ANK2: variants seen among roughly 807,000 people sequenced by gnomAD.
ANK2 encodes ankyrin 2, also known as ankyrin-2.
In ANK2, 83 loss-of-function variants were observed where a neutral mutation model predicts 360.5. The observed-to-expected ratio is 0.23, with a 90% confidence interval of 0.19 to 0.28. The LOEUF is 0.28. ANK2 is among the 10% of genes least tolerant of loss of function. The pLI is 1.00. For missense variants in ANK2, 4,201 were observed against 4,795.7 expected (o/e 0.88, Z 3.66); for synonymous variants, 1,740 against 1,759.5 (o/e 0.99, Z 0.28).
intron 20 of ANK2, 44 bp from the exon 21 acceptor site, chr4:113,292,372 C>T (rs2068158198): frequency 2.0e-6 from 3 of 1,533,072 alleles, no homozygotes; most frequent in Non-Finnish European, 2.7e-6. Context: ...TTTCCTCTCC[C>T]TCTGCCAATC....
chr4:113,232,321 A>T, intron 5 of ANK2, 62 bp downstream of exon 5: 1 of 1,265,160 alleles, frequency 7.9e-7, no homozygotes, highest in Non-Finnish European at 1.2e-6. Flanking sequence ...TCTTTATATC[A>T]GGCTGCAAAT....
At chr4:112,749,120 G>A in the ANK2 span, among the ~76,000 whole-genome samples, 19 of 151,894 alleles carry the variant, frequency 1.3e-4, no homozygotes, top group African/African-American at 3.1e-4. Context: ...GGCTAGTCTC[G>A]AACTGCTGAC....
At chr4:113,293,413 ACT>A (rs751614804) in intron 21 of ANK2, 25 bp from the exon 22 acceptor site, 20 of 1,588,978 alleles carry the variant, frequency 1.3e-5, no homozygotes, top group East Asian at 2.2e-5. Context: ...CTTATTTCTC[ACT>A]CTCTCTCTTT....
At chr4:112,958,159 C>T (rs1209909593) in intron 2 of ANK2, among the ~76,000 whole-genome samples, 1 of 151,972 alleles carries the variant, frequency 6.6e-6, no homozygotes, top group Non-Finnish European at 1.5e-5. Flanking sequence ...GATGGGCGGC[C>T]AGGCAGAGAG....
At chr4:112,767,120 A>G in the ANK2 span, among the ~76,000 whole-genome samples, 55 of 152,362 alleles carry the variant, frequency 3.6e-4, no homozygotes, top group South Asian at 8.3e-3. Flanking sequence ...GGATATTCCA[A>G]ACAAAACTGA....
chr4:112,889,283 T>A (rs1460231613), intron 1 of ANK2, among the ~76,000 whole-genome samples: 1 of 151,922 alleles, frequency 6.6e-6, no homozygotes, highest in Non-Finnish European at 1.5e-5. Flanking sequence ...TTACCATTCA[T>A]CTTTTCTTTT....
chr4:113,142,905 T>C (rs1022040185), intron 1 of ANK2, among the ~76,000 whole-genome samples: 61 of 152,228 alleles, frequency 4.0e-4, no homozygotes, highest in African/African-American at 1.4e-3. Context: ...AACCTTTTTT[T>C]CAAAGGCCAA....
At chr4:112,720,831 G>A in the ANK2 span, among the ~76,000 whole-genome samples, 3 of 152,158 alleles carry the variant, frequency 2.0e-5, no homozygotes, top group African/African-American at 4.8e-5. Context: ...GTTGGCAAAT[G>A]GAAAAGTCAT....
intron 2 of ANK2, among the ~76,000 whole-genome samples, chr4:112,992,815 G>C (rs1321479390): frequency 6.6e-6 from 1 of 152,082 alleles, no homozygotes; most frequent in African/African-American, 2.4e-5. Context: ...TATACATTTT[G>C]GGAGAAAACA....
At chr4:112,881,573 C>G in intron 1 of ANK2, 1 of 271,410 alleles carries the variant, frequency 3.7e-6, no homozygotes. Context: ...CATGATCAGA[C>G]TATTACATTT....
chr4:112,716,235 C>T, the ANK2 span, among the ~76,000 whole-genome samples: 56 of 152,174 alleles, frequency 3.7e-4, no homozygotes, highest in African/African-American at 1.3e-3. Flanking sequence ...ACCATAATTC[C>T]ATCTCACAGG....
At chr4:113,059,036 G>A (rs766871534) in intron 1 of ANK2, among the ~76,000 whole-genome samples, 2 of 152,126 alleles carry the variant, frequency 1.3e-5, no homozygotes, top group African/African-American at 2.4e-5. Context: ...TTCACATGGT[G>A]GAAAAGGCAA....
At chr4:112,839,219 T>G (rs1026987190) in intron 1 of ANK2, among the ~76,000 whole-genome samples, 18 of 152,218 alleles carry the variant, frequency 1.2e-4, no homozygotes, top group African/African-American at 3.6e-4. Context: ...ATACTGTACT[T>G]TCATTCACAG....
intron 1 of ANK2, among the ~76,000 whole-genome samples, chr4:112,838,203 T>G (rs2061395694): frequency 6.6e-6 from 1 of 152,138 alleles, no homozygotes; most frequent in Non-Finnish European, 1.5e-5. Context: ...CACTTCCTCA[T>G]TCTCTCTCTC....
chr4:112,848,363 C>T (rs997196802), intron 1 of ANK2, among the ~76,000 whole-genome samples: 11 of 152,274 alleles, frequency 7.2e-5, no homozygotes, highest in African/African-American at 2.6e-4. Context: ...GGTTTCACCA[C>T]ATTGGCTAGG....
the ANK2 span, among the ~76,000 whole-genome samples, chr4:112,790,788 A>C: frequency 6.6e-6 from 1 of 152,106 alleles, no homozygotes; most frequent in Admixed American, 6.5e-5. Flanking sequence ...CACCCTGCCC[A>C]ACTGTTCCTT....
At chr4:113,026,655 G>A (rs2059349112) in intron 2 of ANK2, among the ~76,000 whole-genome samples, 1 of 152,144 alleles carries the variant, frequency 6.6e-6, no homozygotes, top group African/African-American at 2.4e-5. Context: ...ATGCTGAACT[G>A]TGGAACATAG....
In ANK2 at chr4:112,851,308, A is replaced by G. The variant is rs559430330; in HGVS notation, c.-40+33044A>G. ...GGAAATCTCAGTGCTTTCCGTGTCC[A>G]GCTTTTGCTCCCAAGTTCCCCAGTC... On this transcript the variant is annotated intron_variant, in intron 1 of 30. Coordinates refer to the ANK2 transcript ENST00000503271. 3.9e-4 allele frequency among the ~76,000 whole-genome samples: 60 copies of G among 152,314 alleles called. 2 individuals carry two copies. In the South Asian group the frequency reaches 0.012, roughly 32 times the overall value.
chr4:113,159,445 G>C (rs1029226685), intron 1 of ANK2, among the ~76,000 whole-genome samples: 8 of 151,876 alleles, frequency 5.3e-5, no homozygotes, highest in African/African-American at 1.9e-4. Context: ...AATTACAGGG[G>C]ATACTGAAAT....
Sources: allele counts gnomAD v4.1 joint callset (sites outside exome capture counted in the v4.1 genomes callset), GRCh38; gene constraint gnomAD v4.1.1; transcripts MANE v1.5; gene names NCBI Gene and HGNC (gene_info 2026-07-23, HGNC 2026-07-21).